The following MGAT4C variants were observed in gnomAD, a reference collection of about 807,000 sequenced individuals.
The protein encoded by MGAT4C is MGAT4 family member C.
MGAT4C carries 19 observed loss-of-function variants against 40.1 expected under a neutral mutation model. The ratio of observed to expected loss-of-function variants is 0.47; its 90% CI spans 0.33 to 0.70. The LOEUF (loss-of-function observed/expected upper bound fraction) is 0.70, where lower values mean the gene tolerates loss of function less well. Ranked by LOEUF, MGAT4C falls within the 30% of genes least tolerant of loss-of-function variation. MGAT4C has a pLI of 0.02. For missense variants in MGAT4C, 491 were observed against 563.2 expected (o/e 0.87, Z 1.30); for synonymous variants, 181 against 187.1 (o/e 0.97, Z 0.27).
chr12:86,045,946 C>G (rs1217618736), intron 2 of MGAT4C, among the ~76,000 whole-genome samples: 1 of 152,146 alleles, frequency 6.6e-6, no homozygotes, highest in Non-Finnish European at 1.5e-5. Flanking sequence ...GATCCTGTCT[C>G]TCAAGGTCTG....
chr12:86,823,488 G>A (rs982324271), intron 1 of MGAT4C, among the ~76,000 whole-genome samples: 1 of 151,002 alleles, frequency 6.6e-6, no homozygotes, highest in Non-Finnish European at 1.5e-5. Context: ...TACGTCTACA[G>A]GGCATAAACA....
chr12:86,324,193 C>T lies in MGAT4C; in HGVS notation c.-57+9872G>A, dbSNP rs75133582. ...TTCTTATTCTATGGTTATGTATTGC[C>T]CCTTTCTTTTAGTTATCTATCTTAC... On this transcript the variant is annotated intron_variant, in intron 4 of 7. Transcript: ENST00000548651. 3.9e-3 allele frequency among the ~76,000 whole-genome samples: 596 copies of T among 151,732 alleles called. 3 individuals are homozygous for T. Among genetic ancestry groups the T allele is most frequent in the African/African-American group, 0.014 (579 of 41,460 alleles).
intron 3 of MGAT4C, among the ~76,000 whole-genome samples, chr12:86,407,516 T>C (rs944911792): frequency 2.0e-5 from 3 of 152,026 alleles, no homozygotes; most frequent in Non-Finnish European, 4.4e-5. Context: ...AAAAGAAAGT[T>C]TGGGTGAAGT....
intron 1 of MGAT4C, among the ~76,000 whole-genome samples, chr12:86,183,979 T>C (rs989091074): frequency 1.3e-5 from 2 of 152,164 alleles, no homozygotes; most frequent in Non-Finnish European, 2.9e-5. Context: ...TTAAAAATAT[T>C]GAAGAGAACA....
chr12:86,814,514 CTT>C (rs1049119915), intron 1 of MGAT4C, among the ~76,000 whole-genome samples: 3 of 151,306 alleles, frequency 2.0e-5, no homozygotes, highest in African/African-American at 4.9e-5. Context: ...TTCCAATGCT[CTT>C]ATATTAATTC....
intron 4 of MGAT4C, among the ~76,000 whole-genome samples, chr12:86,271,923 C>T (rs1219012994): frequency 6.6e-6 from 1 of 152,086 alleles, no homozygotes; most frequent in Non-Finnish European, 1.5e-5. Context: ...ATCACATGTT[C>T]TCACTTATAT....
At chr12:86,717,681 G>A (rs2136640225) in intron 2 of MGAT4C, among the ~76,000 whole-genome samples, 1 of 152,132 alleles carries the variant, frequency 6.6e-6, no homozygotes, top group Admixed American at 6.6e-5. Context: ...ATAAAAATCA[G>A]CTGAAACATG....
intron 1 of MGAT4C, among the ~76,000 whole-genome samples, chr12:86,757,486 C>T (rs10858473): frequency 0.29 from 44,719 of 151,608 alleles, 6,664 homozygotes; most frequent in East Asian, 0.36. Flanking sequence ...AGCAGAGATG[C>T]GTGTGTGTAA....
intron 2 of MGAT4C, among the ~76,000 whole-genome samples, chr12:86,636,642 G>A (rs1308772988): frequency 1.3e-5 from 2 of 151,848 alleles, no homozygotes; most frequent in Non-Finnish European, 2.9e-5. Context: ...GATATTTTCA[G>A]GTAAGTAAAT....
intron 2 of MGAT4C, among the ~76,000 whole-genome samples, chr12:86,699,527 G>C (rs1565933350): frequency 6.6e-6 from 1 of 152,056 alleles, no homozygotes; most frequent in Non-Finnish European, 1.5e-5. Context: ...GTGTGTTTGT[G>C]TGTGCACGCG....
intron 4 of MGAT4C, among the ~76,000 whole-genome samples, chr12:86,281,007 T>C (rs866316509): frequency 6.6e-5 from 10 of 152,138 alleles, no homozygotes; most frequent in African/African-American, 1.9e-4. Flanking sequence ...GACATGGTTA[T>C]GTCCGTCATC....
chr12:86,589,343 A>C (rs1469502069), intron 2 of MGAT4C, among the ~76,000 whole-genome samples: 2 of 152,090 alleles, frequency 1.3e-5, no homozygotes, highest in Admixed American at 1.3e-4. Flanking sequence ...CTCTCCCAAG[A>C]CTAAACCAGG....
intron 2 of MGAT4C, among the ~76,000 whole-genome samples, chr12:86,438,798 G>A (rs751042019): frequency 2.0e-5 from 3 of 151,700 alleles, no homozygotes; most frequent in Non-Finnish European, 2.9e-5. Context: ...CACACAAATG[G>A]AAACTGAGGG....
intron 2 of MGAT4C, among the ~76,000 whole-genome samples, chr12:86,039,282 G>A (rs1033766593): frequency 8.5e-5 from 13 of 152,156 alleles, no homozygotes; most frequent in Non-Finnish European, 1.8e-4. Context: ...CTAGGTTGGG[G>A]AAGTTCTCCT....
chr12:86,289,013 T>A (rs1432071043), intron 4 of MGAT4C, among the ~76,000 whole-genome samples: 1 of 152,204 alleles, frequency 6.6e-6, no homozygotes, highest in Admixed American at 6.5e-5. Flanking sequence ...TGGTATTGCC[T>A]AAGTTGTCTC....
At chr12:86,420,457 A>C (rs149696014) in intron 3 of MGAT4C, among the ~76,000 whole-genome samples, 2 of 152,226 alleles carry the variant, frequency 1.3e-5, no homozygotes, top group African/African-American at 4.8e-5. Context: ...AGGTAGCAAG[A>C]CTATTCATTG....
At chr12:86,416,210 T>G (rs2136250353) in intron 3 of MGAT4C, among the ~76,000 whole-genome samples, 1 of 152,188 alleles carries the variant, frequency 6.6e-6, no homozygotes, top group South Asian at 2.1e-4. Flanking sequence ...AAGTATTTTT[T>G]ATTCAAGTGA....
chr12:86,292,011 C>T (rs1295834523), intron 4 of MGAT4C, among the ~76,000 whole-genome samples: 3 of 152,174 alleles, frequency 2.0e-5, no homozygotes, highest in African/African-American at 7.2e-5. Flanking sequence ...ATATGACTAA[C>T]TTGTGTCCAC....
chr12:86,812,994 G>C (rs147191492), intron 1 of MGAT4C, among the ~76,000 whole-genome samples: 38 of 152,124 alleles, frequency 2.5e-4, no homozygotes, highest in African/African-American at 9.2e-4. Context: ...ACTTTTACTA[G>C]GTTTCAGGTC....
Sources: allele counts gnomAD v4.1 joint callset (sites outside exome capture counted in the v4.1 genomes callset), GRCh38; gene constraint gnomAD v4.1.1; transcripts MANE v1.5; gene names NCBI Gene and HGNC (gene_info 2026-07-23, HGNC 2026-07-21).